Variants in MAST4 observed in about 807,000 individuals in gnomAD.
MAST4 encodes the protein microtubule associated serine/threonine kinase family member 4.
MAST4 carries 89 observed loss-of-function variants against 162.7 expected under a neutral mutation model. The observed-to-expected ratio is 0.55, with a 90% CI of 0.46 to 0.65. The LOEUF (loss-of-function observed/expected upper bound fraction) is 0.65. MAST4 is among the 30% of genes least tolerant of loss of function. The pLI, the probability that MAST4 is intolerant of heterozygous loss-of-function variation, is 0.00. For synonymous variants in MAST4, 1,479 were observed against 1,361.1 expected, an observed-to-expected ratio of 1.09 and a Z score of -1.91; for missense variants, 3,153 against 3,374.0, an observed-to-expected ratio of 0.93 and a Z score of 1.62.
intron 16 of MAST4, among the ~76,000 whole-genome samples, chr5:67,132,752 A>G (rs1034074381): frequency 2.0e-5 from 3 of 152,094 alleles, no homozygotes; most frequent in Admixed American, 6.5e-5. Context: ...GACTTTAAGT[A>G]TGCTGAAAAG....
chr5:66,682,515 T>G (rs1748395681), intron 1 of MAST4, among the ~76,000 whole-genome samples: 1 of 152,216 alleles, frequency 6.6e-6, no homozygotes, highest in African/African-American at 2.4e-5. Context: ...CTGGGCCTAC[T>G]GTGTGCCTAG....
chr5:66,597,162 C>T, intron 1 of MAST4, 144 bp downstream of exon 1: 8 of 1,121,566 alleles, frequency 7.1e-6, no homozygotes, highest in East Asian at 3.3e-5. Flanking sequence ...GAGCACGGGA[C>T]AACGATAGTT....
chr5:66,960,115 C>T (rs2150155755), intron 4 of MAST4, among the ~76,000 whole-genome samples: 1 of 152,280 alleles, frequency 6.6e-6, no homozygotes, highest in Admixed American at 6.5e-5. Flanking sequence ...TAACTTACAG[C>T]ACAGATATAA....
At chr5:66,880,223 G>C (rs1307765069) in intron 3 of MAST4, among the ~76,000 whole-genome samples, 1 of 152,172 alleles carries the variant, frequency 6.6e-6, no homozygotes, top group African/African-American at 2.4e-5. Context: ...GGGAATAAGA[G>C]TATGTACTCA....
intron 5 of MAST4, among the ~76,000 whole-genome samples, chr5:67,080,981 T>C (rs1762537807): frequency 7.6e-6 from 1 of 132,246 alleles, no homozygotes; most frequent in Non-Finnish European, 1.5e-5. Context: ...TTATATAATA[T>C]ATATAATTGT....
chr5:66,872,295 A>T (rs975250529), intron 3 of MAST4, among the ~76,000 whole-genome samples: 8 of 151,892 alleles, frequency 5.3e-5, no homozygotes, highest in African/African-American at 1.5e-4. Flanking sequence ...TCAGCCTCCC[A>T]AGTAGCTGGG....
At chr5:66,611,601 T>C (rs892515798) in intron 1 of MAST4, among the ~76,000 whole-genome samples, 3 of 152,176 alleles carry the variant, frequency 2.0e-5, no homozygotes, top group Non-Finnish European at 2.9e-5. Context: ...GGATCTTCTG[T>C]GGTGTTTAAA....
chr5:66,850,992 A>G (rs914744644), intron 3 of MAST4, among the ~76,000 whole-genome samples: 13 of 145,716 alleles, frequency 8.9e-5, no homozygotes, highest in Non-Finnish European at 1.3e-4. Flanking sequence ...CTTATAATGG[A>G]GAGAGGGTTT....
intron 4 of MAST4, among the ~76,000 whole-genome samples, chr5:67,033,345 G>GTGTGTGTGTGTGTGTGT (rs55919358): frequency 1.6e-5 from 2 of 123,592 alleles, no homozygotes; most frequent in South Asian, 2.6e-4. Flanking sequence ...GTGTGTGTGT[G>GTGTGTGTGTGTGTGTGT]GCTTTTTTTT....
chr5:67,005,755 G>A (rs1301386039), intron 4 of MAST4, among the ~76,000 whole-genome samples: 4 of 152,216 alleles, frequency 2.6e-5, no homozygotes, highest in African/African-American at 9.6e-5. Flanking sequence ...TGACACTTGT[G>A]TTGAGAGACT....
At chr5:67,088,883 T>C (rs1763539491) in intron 5 of MAST4, among the ~76,000 whole-genome samples, 1 of 152,236 alleles carries the variant, frequency 6.6e-6, no homozygotes, top group Non-Finnish European at 1.5e-5. Flanking sequence ...CTTCAGTTAA[T>C]TGAGAAATTT....
At position 67,167,132 on chromosome 5, in the gene MAST4, T is replaced by G; in HGVS notation, c.*81T>G. On this transcript the variant is annotated 3_prime_UTR_variant, in exon 29 of 29. Coordinates refer to ENST00000403625, the MANE Select transcript of MAST4 (RefSeq NM_001164664.2). The stretch of plus-strand genomic sequence containing the variant: ...CTTGACTACCTTTCAAAACCAGCAC[T>G]GTGTGGGAATGTCCGCCAGGCAGAG... The G allele has an allele frequency of 8.0e-7, 1 of 1,243,496 alleles. No individual in the cohort carries two copies. Among genetic ancestry groups the G allele is most frequent in the South Asian group, 1.8e-5 (1 of 54,340 alleles). 77.0% of individuals were successfully genotyped at this position (1,243,496 alleles called of 1,614,324 possible).
intron 4 of MAST4, among the ~76,000 whole-genome samples, chr5:67,047,713 T>C (rs1041313542): frequency 6.6e-5 from 10 of 152,190 alleles, no homozygotes; most frequent in African/African-American, 2.4e-4. Context: ...TTTATTGAAG[T>C]AATTAATGAA....
intron 3 of MAST4, among the ~76,000 whole-genome samples, chr5:66,839,632 A>G (rs576367038): frequency 2.1e-4 from 32 of 152,144 alleles, no homozygotes; most frequent in Non-Finnish European, 4.4e-4. Flanking sequence ...CAACTTGCCT[A>G]CAAGTCTCAT....
At chr5:66,718,185 C>CTT (rs375291098) in intron 1 of MAST4, among the ~76,000 whole-genome samples, 1,679 of 122,078 alleles carry the variant, frequency 0.014, 36 homozygotes, top group African/African-American at 0.047. Flanking sequence ...TTTTTTTTTT[C>CTT]TTTTTTTTTT....
intron 3 of MAST4, among the ~76,000 whole-genome samples, chr5:66,894,121 A>G (rs1762532548): frequency 6.6e-6 from 1 of 152,212 alleles, no homozygotes; most frequent in African/African-American, 2.4e-5. Flanking sequence ...TTACCTCTGT[A>G]ATGACAGCCT....
intron 4 of MAST4, among the ~76,000 whole-genome samples, chr5:66,943,807 T>G (rs571052112): frequency 6.6e-6 from 1 of 152,254 alleles, no homozygotes; most frequent in South Asian, 2.1e-4. Flanking sequence ...CTACACTTGA[T>G]GAGCATGCCT....
At chr5:66,824,013 G>T (rs1362309636) in intron 3 of MAST4, among the ~76,000 whole-genome samples, 1 of 152,110 alleles carries the variant, frequency 6.6e-6, no homozygotes, top group African/African-American at 2.4e-5. Flanking sequence ...TTGGCCACTG[G>T]CAGCTATCTA....
At position 67,159,764 on chromosome 5, in the gene MAST4, G is replaced by A. The variant is rs576384034; in HGVS notation, c.3649-692G>A. 3.3e-5 allele frequency among the ~76,000 whole-genome samples: 5 copies of A among 152,288 alleles called. No individual in the cohort carries two copies. The East Asian group carries it at 5.8e-4, about 18-fold the overall frequency. The stretch of plus-strand genomic sequence containing the variant: ...AGCAAGCCCCTTCCCAGGATTGAGA[G>A]AAAGGACACCGAAACTCACAGAAAT... On this transcript the variant is annotated intron_variant, in intron 26 of 28. Coordinates refer to ENST00000403625, the MANE Select transcript of MAST4 (RefSeq NM_001164664.2).
Sources: allele counts gnomAD v4.1 joint callset (sites outside exome capture counted in the v4.1 genomes callset), GRCh38; gene constraint gnomAD v4.1.1; transcripts MANE v1.5; gene names NCBI Gene and HGNC (gene_info 2026-07-23, HGNC 2026-07-21).